The following MTMR8 variants were observed in gnomAD, a reference collection of about 807,000 sequenced individuals.
MTMR8 encodes the protein myotubularin related protein 8.
In MTMR8, 65 loss-of-function variants were observed where a neutral mutation model predicts 39.3. The ratio of observed to expected loss-of-function variants is 1.65; its 90% confidence interval spans 1.35 to 2.03. The LOEUF is 2.03. MTMR8 is among the 30% of genes most tolerant of loss of function. The pLI, the probability that MTMR8 is intolerant of heterozygous loss-of-function variation, is 0.00. For synonymous variants in MTMR8, 245 were observed against 185.2 expected (o/e 1.32, Z -2.62); for missense variants, 777 against 538.9 (o/e 1.44, Z -4.37).
intron 1 of MTMR8, among the ~76,000 whole-genome samples, chrX:64,385,798 C>A (rs1052087976): frequency 9.0e-6 from 1 of 111,191 alleles, no homozygotes; most frequent in African/African-American, 3.3e-5. Context: ...CCCCATGATC[C>A]AATTACCTCT....
chrX:64,310,667 C>G (rs966391364), intron 12 of MTMR8, among the ~76,000 whole-genome samples: 7 of 109,715 alleles, frequency 6.4e-5, no homozygotes, highest in Non-Finnish European at 1.3e-4. Flanking sequence ...CACCCCCCAA[C>G]AGGCCCCAGT....
At chrX:64,347,125 C>G in intron 6 of MTMR8, among the ~76,000 whole-genome samples, 1 of 110,690 alleles carries the variant, frequency 9.0e-6, no homozygotes, top group South Asian at 3.9e-4. Context: ...AAAATTTTGT[C>G]AGTATAATAT....
intron 12 of MTMR8, among the ~76,000 whole-genome samples, chrX:64,278,188 C>G (rs1006058548): frequency 9.2e-6 from 1 of 108,381 alleles, no homozygotes; most frequent in South Asian, 4.0e-4. Flanking sequence ...TCCTTTAGCT[C>G]GGAAGAGTTT....
chrX:64,301,573 A>T (rs1207022184), intron 12 of MTMR8, among the ~76,000 whole-genome samples: 1 of 111,854 alleles, frequency 8.9e-6, no homozygotes, highest in African/African-American at 3.3e-5. Context: ...TTCTTCTCTC[A>T]GCTCGTCAAA....
chrX:64,343,583 T>C lies in MTMR8; in HGVS notation c.975+28A>G, dbSNP rs1287118330. The C allele has an allele frequency of 8.2e-6, 8 of 976,150 alleles. No individual in the cohort carries two copies. The Admixed American group carries it at 1.6e-4, about 20-fold the overall frequency. The allele number at this position is 976,150 out of a possible 1,213,427, so 80.4% of individuals were successfully genotyped here. A position where few individuals can be genotyped will look rare whatever the true frequency, so the allele number is the denominator to read the frequency against. ...CAATATATCCCATAATTAAAGTCAG[T>C]GCAAATTTTAAAAGTCCTGATTATT... On this transcript the variant is annotated intron_variant, in intron 8 of 13. Coordinates refer to ENST00000374852, the MANE Select transcript of MTMR8 (RefSeq NM_017677.4).
intron 12 of MTMR8, among the ~76,000 whole-genome samples, chrX:64,297,841 C>A (rs1299082591): frequency 9.1e-6 from 1 of 109,692 alleles, no homozygotes; most frequent in Admixed American, 9.8e-5. Flanking sequence ...AATAGGGAAT[C>A]CTTTCCCCAT....
intron 12 of MTMR8, among the ~76,000 whole-genome samples, chrX:64,277,693 A>T (rs1270811483): frequency 2.7e-5 from 3 of 110,875 alleles, no homozygotes; most frequent in Non-Finnish European, 5.7e-5. Context: ...ACCTTGGTGA[A>T]TCTGATGATT....
chrX:64,283,680 C>T (rs12557226), intron 12 of MTMR8, among the ~76,000 whole-genome samples: 204 of 112,585 alleles, frequency 1.8e-3, no homozygotes, highest in Non-Finnish European at 3.2e-3. Flanking sequence ...ATTCGCTGTT[C>T]TGCAGCCTCT....
At chrX:64,302,181 A>T (rs963091662) in intron 12 of MTMR8, among the ~76,000 whole-genome samples, 1 of 112,276 alleles carries the variant, frequency 8.9e-6, no homozygotes, top group African/African-American at 3.2e-5. Context: ...GCTGCCTTGC[A>T]GTTTGATCTC....
chrX:64,331,859 G>C, intron 10 of MTMR8, 102 bp from the exon 11 acceptor site: 1 of 734,656 alleles, frequency 1.4e-6, no homozygotes, highest in Non-Finnish European at 2.0e-6. Flanking sequence ...TCTGTTGGTA[G>C]TGGCAAGGAA....
In MTMR8 at chrX:64,348,808, G is replaced by C. The variant is rs377386035; in HGVS notation, c.598-14C>G. On this transcript the variant is annotated splice_polypyrimidine_tract_variant and intron_variant, in intron 5 of 13. Coordinates refer to ENST00000374852, the MANE Select transcript of MTMR8 (RefSeq NM_017677.4). ...GCAAATGGCAGCCTGTAAGGAAAAGGTGTGTCAGTTGAGTGATTATATTCA... is the reference window on the plus strand; with the variant it reads ...GCAAATGGCAGCCTGTAAGGAAAAGCTGTGTCAGTTGAGTGATTATATTCA... The C allele has an allele frequency of 8.3e-7, 1 of 1,209,107 alleles. No individual in the cohort carries two copies.
At chrX:64,300,771 G>C (rs1271684263) in intron 12 of MTMR8, among the ~76,000 whole-genome samples, 1 of 104,868 alleles carries the variant, frequency 9.5e-6, no homozygotes, top group Non-Finnish European at 2.0e-5. Context: ...GGGCAGGCCT[G>C]GTGGTGACAA....
At chrX:64,286,608 T>C (rs2147135255) in intron 12 of MTMR8, among the ~76,000 whole-genome samples, 1 of 111,894 alleles carries the variant, frequency 8.9e-6, no homozygotes, top group African/African-American at 3.2e-5. Context: ...AAAAAGCTTA[T>C]CCACCATGAT....
chrX:64,308,964 T>C (rs1384020113), intron 12 of MTMR8, among the ~76,000 whole-genome samples: 1 of 112,263 alleles, frequency 8.9e-6, no homozygotes, highest in Non-Finnish European at 1.9e-5. Context: ...GATCTATTTG[T>C]ACTTGTTGTT....
chrX:64,302,259 A>C (rs753176191), intron 12 of MTMR8, among the ~76,000 whole-genome samples: 2 of 112,474 alleles, frequency 1.8e-5, no homozygotes, highest in Admixed American at 1.9e-4. Context: ...TGTGGGATAT[A>C]GTCTCATGGT....
intron 12 of MTMR8, among the ~76,000 whole-genome samples, chrX:64,294,872 T>A (rs1465114663): frequency 9.0e-6 from 1 of 111,431 alleles, no homozygotes; most frequent in Non-Finnish European, 1.9e-5. Context: ...TTTCAACATA[T>A]GAATTTGGGA....
At chrX:64,279,502 G>T (rs1569208229) in intron 12 of MTMR8, among the ~76,000 whole-genome samples, 1 of 111,871 alleles carries the variant, frequency 8.9e-6, no homozygotes, top group Non-Finnish European at 1.9e-5. Flanking sequence ...TGAATGGAAA[G>T]ACATTTCCTG....
At chrX:64,350,835 G>A (rs1923469923) in intron 4 of MTMR8, among the ~76,000 whole-genome samples, 1 of 111,013 alleles carries the variant, frequency 9.0e-6, no homozygotes. Flanking sequence ...AAGAGACAGT[G>A]ACAAAATATT....
At chrX:64,381,641 C>T (rs1378125112) in intron 1 of MTMR8, among the ~76,000 whole-genome samples, 4 of 111,041 alleles carry the variant, frequency 3.6e-5, no homozygotes, top group Non-Finnish European at 7.5e-5. Flanking sequence ...GGCTTTGTTG[C>T]CACTGCTTTT....
Sources: allele counts gnomAD v4.1 joint callset (sites outside exome capture counted in the v4.1 genomes callset), GRCh38; gene constraint gnomAD v4.1.1; transcripts MANE v1.5; gene names NCBI Gene and HGNC (gene_info 2026-07-23, HGNC 2026-07-21).